The following ADAM32 variants were observed in gnomAD, a reference collection of about 807,000 sequenced individuals.
The protein encoded by ADAM32 is ADAM metallopeptidase domain 32, also known as disintegrin and metalloproteinase domain-containing protein 32.
ADAM32 carries 89 observed loss-of-function variants against 114.9 expected under a neutral mutation model. The observed-to-expected ratio is 0.77, with a 90% confidence interval of 0.65 to 0.92. ADAM32 has a LOEUF of 0.92. Ranked by LOEUF, ADAM32 falls within the 40% of genes least tolerant of loss-of-function variation. The pLI is 0.00. For missense variants in ADAM32, 870 were observed against 932.8 expected, an observed-to-expected ratio of 0.93 and a Z score of 0.88; for synonymous variants, 285 against 307.5, an observed-to-expected ratio of 0.93 and a Z score of 0.77.
chr8:39,215,323 T>C (rs1808486021), intron 12 of ADAM32, among the ~76,000 whole-genome samples: 1 of 152,108 alleles, frequency 6.6e-6, no homozygotes, highest in Non-Finnish European at 1.5e-5. Flanking sequence ...GGAATATTTT[T>C]TCATTTTTGG....
rs2129446896 is a variant in ADAM32, at chr8:39,180,897, A to G, written c.916-6012A>G. On this transcript the variant is annotated intron_variant, in intron 10 of 24. Coordinates refer to ENST00000379907, the MANE Select transcript of ADAM32 (RefSeq NM_145004.7). ...TCAGGGTTTGTGAGTGCACCAATCG[A>G]CACTCTGTATCTAGCTGCTCTGGTG... Among the ~76,000 whole-genome samples the G allele has an allele frequency of 2.0e-5, 3 of 152,284 alleles. No individual in the cohort carries two copies. The South Asian group carries it at 6.2e-4, about 32-fold the overall frequency.
chr8:39,252,204 C>T (rs76128172), intron 17 of ADAM32, among the ~76,000 whole-genome samples: 4,507 of 151,474 alleles, frequency 0.03, 103 homozygotes, highest in Non-Finnish European at 0.043. Context: ...TATTAAGTCA[C>T]GAGACAAGTC....
intron 24 of ADAM32, 141 bp from the exon 25 acceptor site, chr8:39,284,652 C>T: frequency 1.2e-6 from 1 of 854,584 alleles, no homozygotes; most frequent in Admixed American, 2.6e-5. Flanking sequence ...ATTTCACAGG[C>T]AAAATTGTAA....
intron 23 of ADAM32, 118 bp from the exon 24 acceptor site, chr8:39,283,468 C>CT: frequency 2.9e-6 from 1 of 347,406 alleles, no homozygotes; most frequent in Non-Finnish European, 4.5e-6. Context: ...GCAAATATTT[C>CT]TTTTTTAGTA....
At position 39,257,274 on chromosome 8, in the gene ADAM32, C is replaced by T. The variant is rs774579153; in HGVS notation, c.2093C>T (p.Thr698Ile). ...GCTCTTCCTATTCTCATTGTAACAA[C>T]CGCAATAGTTTTGGCAAGGAAACAG... ...LIALPILIVT[T>I]AIVLARKQLK... Residue 698 changes from threonine (T) to isoleucine (I), a missense_variant, in exon 19 of 25, where the codon ACC (threonine) becomes ATC (isoleucine). Physicochemically the swap from Thr to Ile is moderately conservative, Grantham distance 89 (BLOSUM62 -1). Coordinates refer to ENST00000379907, the MANE Select transcript of ADAM32 (RefSeq NM_145004.7). 2 of 1,612,628 alleles carry T rather than the reference C, an allele frequency of 1.2e-6. No individual in the cohort carries two copies. Among genetic ancestry groups the T allele is most frequent in the Non-Finnish European group, 1.7e-6 (2 of 1,179,354 alleles).
chr8:39,255,944 G>A (rs1811623607), intron 18 of ADAM32, among the ~76,000 whole-genome samples: 1 of 151,974 alleles, frequency 6.6e-6, no homozygotes, highest in African/African-American at 2.4e-5. Flanking sequence ...TTCTACATAT[G>A]GCTTGCCAGT....
At chr8:39,138,301 C>A in intron 3 of ADAM32, among the ~76,000 whole-genome samples, 1 of 152,236 alleles carries the variant, frequency 6.6e-6, no homozygotes, top group East Asian at 1.9e-4. Flanking sequence ...TTAGGTATTT[C>A]TCCTAAAGCT....
At chr8:39,165,392 A>G in intron 9 of ADAM32, 196 bp downstream of exon 9, 1 of 458,028 alleles carries the variant, frequency 2.2e-6, no homozygotes, top group Non-Finnish European at 3.7e-6. Context: ...CTATGCTAAT[A>G]AAGCTTTTAT....
intron 13 of ADAM32, 74 bp from the exon 14 acceptor site, chr8:39,222,966 A>G (rs1809085484): frequency 7.7e-7 from 1 of 1,299,208 alleles, no homozygotes; most frequent in Non-Finnish European, 1.0e-6. Context: ...TGATTAACAC[A>G]ATTTTGAAGT....
At chr8:39,273,196 C>G (rs952179812) in intron 20 of ADAM32, among the ~76,000 whole-genome samples, 3 of 151,916 alleles carry the variant, frequency 2.0e-5, no homozygotes, top group African/African-American at 7.3e-5. Flanking sequence ...GGAGTACGCT[C>G]TAAAATAATG....
At chr8:39,262,142 A>G (rs1230783430) in intron 19 of ADAM32, among the ~76,000 whole-genome samples, 1 of 148,256 alleles carries the variant, frequency 6.7e-6, no homozygotes, top group Non-Finnish European at 1.5e-5. Flanking sequence ...CATTTCTCCT[A>G]TGTTTTCTTC....
intron 11 of ADAM32, among the ~76,000 whole-genome samples, chr8:39,203,920 G>T (rs1214629655): frequency 3.3e-5 from 5 of 152,104 alleles, no homozygotes; most frequent in African/African-American, 2.4e-5. Flanking sequence ...TGAAATTCTG[G>T]GTTGAAAATT....
intron 11 of ADAM32, among the ~76,000 whole-genome samples, chr8:39,203,994 G>A (rs1807630670): frequency 6.6e-6 from 1 of 152,218 alleles, no homozygotes; most frequent in Admixed American, 6.5e-5. Context: ...TTTCTGCTGA[G>A]AGATCCGCTG....
chr8:39,279,434 C>T (rs536919913), intron 22 of ADAM32, among the ~76,000 whole-genome samples: 6 of 152,304 alleles, frequency 3.9e-5, no homozygotes, highest in Admixed American at 2.0e-4. Flanking sequence ...CAGGCACCTG[C>T]CACCACGCCT....
chr8:39,123,985 G>T (rs1274568136), intron 2 of ADAM32, among the ~76,000 whole-genome samples: 1 of 151,624 alleles, frequency 6.6e-6, no homozygotes, highest in Non-Finnish European at 1.5e-5. Context: ...GGGATTACAG[G>T]CATGAGCCAC....
intron 1 of ADAM32, among the ~76,000 whole-genome samples, chr8:39,109,995 A>G (rs1233301526): frequency 7.7e-6 from 1 of 130,282 alleles, no homozygotes; most frequent in African/African-American, 2.5e-5. Context: ...GCCATTTTGG[A>G]TGGACTTTTT....
At chr8:39,184,341 T>C (rs1303407882) in intron 10 of ADAM32, among the ~76,000 whole-genome samples, 1 of 152,200 alleles carries the variant, frequency 6.6e-6, no homozygotes. Flanking sequence ...CATGTCTCAC[T>C]CCATTGGTCA....
At chr8:39,206,765 G>A (rs1807865992) in intron 11 of ADAM32, among the ~76,000 whole-genome samples, 1 of 152,158 alleles carries the variant, frequency 6.6e-6, no homozygotes, top group African/African-American at 2.4e-5. Flanking sequence ...GCAGCCCTCT[G>A]GGTGGATGTG....
intron 11 of ADAM32, among the ~76,000 whole-genome samples, chr8:39,209,031 A>C (rs534819504): frequency 6.6e-6 from 1 of 151,616 alleles, no homozygotes; most frequent in South Asian, 2.1e-4. Flanking sequence ...TACATTTGCT[A>C]TCTCACTGAT....
Sources: gnomAD v4.1 joint callset for allele counts (sites outside exome capture counted in the v4.1 genomes callset) on GRCh38, gnomAD v4.1.1 for gene constraint, MANE v1.5 for transcripts, NCBI Gene and HGNC (gene_info 2026-07-23, HGNC 2026-07-21) for gene names.